FRY: variants seen among roughly 807,000 people sequenced by gnomAD.
FRY encodes the protein FRY microtubule binding protein.
Under a neutral mutation model 348.4 loss-of-function variants are expected in FRY, and 128 were observed. That is an observed-to-expected ratio of 0.37 (90% CI 0.32 to 0.43). FRY has a LOEUF of 0.43. Among genes scored for constraint, FRY ranks in the 20% least tolerant of loss-of-function variants. FRY has a pLI of 1.00. For missense variants in FRY, 2,736 were observed against 3,695.2 expected, an observed-to-expected ratio of 0.74 and a Z score of 6.73; for synonymous variants, 1,370 against 1,374.7, an observed-to-expected ratio of 1.00 and a Z score of 0.08.
chr13:32,055,913 C>T (rs1873596964), intron 1 of FRY, among the ~76,000 whole-genome samples: 1 of 152,154 alleles, frequency 6.6e-6, no homozygotes, highest in South Asian at 2.1e-4. Context: ...ACCTGGTAGG[C>T]TGGGCACAGT....
intron 28 of FRY, among the ~76,000 whole-genome samples, chr13:32,193,591 C>CTTTTTTTTTTTTTTTTT (rs71194514): frequency 1.5e-5 from 2 of 130,286 alleles, no homozygotes; most frequent in African/African-American, 2.9e-5. Context: ...AGTCTTCGTC[C>CTTTTTTTTTTTTTTTTT]TTTTTTTTTT....
chr13:32,202,809 G>A (rs1324324463), intron 31 of FRY, among the ~76,000 whole-genome samples: 3 of 151,994 alleles, frequency 2.0e-5, no homozygotes, highest in African/African-American at 7.3e-5. Flanking sequence ...AATTAGCCAG[G>A]TCTGGTGGTG....
intron 3 of FRY, among the ~76,000 whole-genome samples, chr13:32,108,898 G>A (rs1294682742): frequency 2.6e-5 from 4 of 152,174 alleles, no homozygotes. Flanking sequence ...TTAAAAAAGA[G>A]ATCAGGCGGC....
chr13:32,227,603 T>A (rs547832021), intron 39 of FRY, among the ~76,000 whole-genome samples: 9 of 152,360 alleles, frequency 5.9e-5, no homozygotes, highest in African/African-American at 1.9e-4. Flanking sequence ...ATGCCATATT[T>A]CTTTGAATAC....
At chr13:32,278,343 A>G (rs1888640405) in intron 57 of FRY, 122 bp from the exon 58 acceptor site, 1 of 706,546 alleles carries the variant, frequency 1.4e-6, no homozygotes, top group Non-Finnish European at 2.6e-6. Flanking sequence ...AAAAGTCATT[A>G]CAGCACAATT....
At chr13:32,289,789 T>A in intron 59 of FRY, 46 bp downstream of exon 59, 1 of 990,018 alleles carries the variant, frequency 1.0e-6, no homozygotes, top group Non-Finnish European at 1.6e-6. Flanking sequence ...ACAAAAACCA[T>A]TTCTTTTGTT....
At chr13:32,166,741 C>G (rs530707108) in intron 17 of FRY, among the ~76,000 whole-genome samples, 41 of 152,170 alleles carry the variant, frequency 2.7e-4, no homozygotes, top group Non-Finnish European at 5.3e-4. Flanking sequence ...TTCCCCTTAC[C>G]CCTCACCTAC....
In FRY at chr13:32,239,951, G is replaced by A; in HGVS notation, c.6687+70G>A. 1 of 1,376,048 alleles carries A rather than the reference G, an allele frequency of 7.3e-7. No homozygotes were observed. The highest frequency in any genetic ancestry group is 1.2e-5 in the South Asian group (1 of 82,268). 85.2% of individuals were successfully genotyped at this position (1,376,048 alleles called of 1,614,324 possible). A position where few individuals can be genotyped will look rare whatever the true frequency, so the allele number is the denominator to read the frequency against. ...TGCCCAGGCTGATCTCAACTCTTGGGCTCAAGCAGTCCTCCTGCCTTCGCC... is the reference window on the plus strand; with the variant it reads ...TGCCCAGGCTGATCTCAACTCTTGGACTCAAGCAGTCCTCCTGCCTTCGCC... On this transcript the variant is annotated intron_variant, in intron 46 of 60. Coordinates refer to ENST00000542859, the MANE Select transcript of FRY (RefSeq NM_023037.3). This position sits in a 1 kb window ranked among gnomAD's most constrained non-coding sequence, Gnocchi z 4.3.
intron 7 of FRY, among the ~76,000 whole-genome samples, chr13:32,126,650 TC>T (rs1419178074): frequency 2.0e-5 from 3 of 152,222 alleles, no homozygotes; most frequent in Admixed American, 2.0e-4. Context: ...CTTGATGTGT[TC>T]TCAACTAGTC....
rs2072048676 is a variant in FRY, at chr13:32,295,584, G to A, written c.*124G>A. 3 of 903,560 alleles carry A rather than the reference G, an allele frequency of 3.3e-6. No individual in the cohort carries two copies. The highest frequency in any genetic ancestry group is 5.3e-6 in the Non-Finnish European group (3 of 566,882). 56.0% of individuals were successfully genotyped at this position (903,560 alleles called of 1,614,324 possible). ...ACTGTTCTCCCTCTTGTTACCTGTA[G>A]GGCTTTTTCTAAAGAGGATGGCAGA... On this transcript the variant is annotated 3_prime_UTR_variant, in exon 61 of 61. Coordinates refer to ENST00000542859, the MANE Select transcript of FRY (RefSeq NM_023037.3).
chr13:32,145,285 C>G (rs1009522894), intron 11 of FRY, among the ~76,000 whole-genome samples: 1 of 152,090 alleles, frequency 6.6e-6, no homozygotes. Context: ...AGATAGACAT[C>G]GGGGCAGGGA....
chr13:32,241,842 T>A (rs1886524985), intron 46 of FRY, among the ~76,000 whole-genome samples: 1 of 152,236 alleles, frequency 6.6e-6, no homozygotes, highest in Non-Finnish European at 1.5e-5. Context: ...CACCAAAAAA[T>A]TTATTATGAA....
intron 17 of FRY, among the ~76,000 whole-genome samples, chr13:32,170,412 A>G (rs1593692497): frequency 2.6e-5 from 4 of 152,250 alleles, no homozygotes; most frequent in Admixed American, 2.0e-4. Flanking sequence ...CTTAGTTTTG[A>G]TCAGTGTACC....
At chr13:32,181,543 C>CCAGCCTGG (rs1249546181) in intron 23 of FRY, among the ~76,000 whole-genome samples, 3 of 143,138 alleles carry the variant, frequency 2.1e-5, no homozygotes, top group Non-Finnish European at 4.5e-5. Context: ...GCAGTGCACT[C>CCAGCCTGG]CAGCCTGGGC....
At chr13:32,263,037 C>T (rs1234660761) in intron 53 of FRY, among the ~76,000 whole-genome samples, 4 of 152,136 alleles carry the variant, frequency 2.6e-5, no homozygotes, top group African/African-American at 9.7e-5. Context: ...ATGTAATTTT[C>T]TTAATTAGAA....
chr13:32,079,258 G>C (rs1875316333), intron 2 of FRY, among the ~76,000 whole-genome samples: 1 of 152,160 alleles, frequency 6.6e-6, no homozygotes. Flanking sequence ...CTATTCAGTA[G>C]CATGCTTCAC....
chr13:32,128,069 A>G (rs181023787), intron 7 of FRY, among the ~76,000 whole-genome samples: 18 of 152,286 alleles, frequency 1.2e-4, no homozygotes, highest in East Asian at 9.6e-4. Context: ...AAGAAATACA[A>G]TTTTTTAAAA....
intron 11 of FRY, among the ~76,000 whole-genome samples, chr13:32,145,266 A>G (rs115333895): frequency 0.025 from 3,852 of 152,232 alleles, 152 homozygotes; most frequent in African/African-American, 0.089. Context: ...AAGGATTATA[A>G]TCGGTGTAAG....
chr13:32,187,349 A>G (rs1221531114), intron 27 of FRY, among the ~76,000 whole-genome samples, 197 bp from the exon 28 acceptor site: 1 of 152,198 alleles, frequency 6.6e-6, no homozygotes, highest in African/African-American at 2.4e-5. Flanking sequence ...TTTAATTCTT[A>G]TGAAAAGAGC....
Sources: allele counts gnomAD v4.1 joint callset (sites outside exome capture counted in the v4.1 genomes callset), GRCh38; gene constraint gnomAD v4.1.1; non-coding constraint Gnocchi (gnomAD v3.1); transcripts MANE v1.5; gene names NCBI Gene and HGNC (gene_info 2026-07-23, HGNC 2026-07-21).